Variants in PLCXD3 observed in about 807,000 individuals in gnomAD.
The protein encoded by PLCXD3 is PI-PLC X domain-containing protein 3.
In PLCXD3, 19 loss-of-function variants were observed where a neutral mutation model predicts 25.5. That is an observed-to-expected ratio of 0.75 (90% confidence interval 0.52 to 1.09). The LOEUF (loss-of-function observed/expected upper bound fraction) is 1.09. Among genes scored for constraint, PLCXD3 ranks in the 50% least tolerant of loss-of-function variants. The pLI is 0.00. For missense variants in PLCXD3, 411 were observed against 388.1 expected (o/e 1.06, Z -0.50); for synonymous variants, 174 against 137.6 (o/e 1.26, Z -1.85).
chr5:41,333,898 G>GA (rs532872428), intron 2 of PLCXD3, among the ~76,000 whole-genome samples: 1 of 151,946 alleles, frequency 6.6e-6, no homozygotes, highest in Non-Finnish European at 1.5e-5. Flanking sequence ...GCTGCAAAAG[G>GA]AAAAAAATCC....
intron 1 of PLCXD3, among the ~76,000 whole-genome samples, chr5:41,401,586 T>G (rs1248345100): frequency 6.6e-6 from 1 of 152,084 alleles, no homozygotes; most frequent in Non-Finnish European, 1.5e-5. Context: ...TTAACTATTA[T>G]GATAGGCAGC....
At chr5:41,333,624 A>AT in intron 2 of PLCXD3, among the ~76,000 whole-genome samples, 1 of 152,300 alleles carries the variant, frequency 6.6e-6, no homozygotes, top group Middle Eastern at 3.4e-3. Flanking sequence ...AAAACAGTTC[A>AT]TTTAAAAAAT....
At chr5:41,359,863 G>A (rs1351571523) in intron 2 of PLCXD3, among the ~76,000 whole-genome samples, 17 of 151,966 alleles carry the variant, frequency 1.1e-4, no homozygotes. Flanking sequence ...TGAGCTTCTT[G>A]TATTTGGATT....
chr5:41,499,225 A>C (rs1017794374), intron 1 of PLCXD3, among the ~76,000 whole-genome samples: 2 of 151,764 alleles, frequency 1.3e-5, no homozygotes, highest in African/African-American at 4.8e-5. Context: ...TTATCTCTGT[A>C]GATAACATTT....
At position 41,336,836 on chromosome 5, in the gene PLCXD3, A is replaced by G. The variant is rs979988376; in HGVS notation, c.813-23066T>C. On this transcript the variant is annotated intron_variant, in intron 2 of 2. Transcript: ENST00000377801. ...ATCACAGTCCAATTTCTTCCTCTAC[A>G]TAGTTCTGTTTCCTGTACTCTCCCA... Among the ~76,000 whole-genome samples, 57 of 152,112 alleles carry G rather than the reference A, an allele frequency of 3.7e-4. 2 individuals carry two copies. Among genetic ancestry groups the G allele is most frequent in the Admixed American group, 3.7e-3 (57 of 15,254 alleles).
intron 1 of PLCXD3, among the ~76,000 whole-genome samples, chr5:41,499,240 T>G (rs1276510867): frequency 6.6e-6 from 1 of 151,600 alleles, no homozygotes; most frequent in African/African-American, 2.4e-5. Context: ...ACATTTTATA[T>G]GTAAAAAACT....
intron 2 of PLCXD3, among the ~76,000 whole-genome samples, chr5:41,370,013 C>T (rs1271246048): frequency 4.6e-5 from 7 of 152,112 alleles, no homozygotes; most frequent in Admixed American, 3.3e-4. Context: ...TGCCACATAC[C>T]GCTTCCTCCA....
chr5:41,480,739 G>A lies in PLCXD3; in HGVS notation c.103+29685C>T, dbSNP rs369841910. Among the ~76,000 whole-genome samples the A allele has an allele frequency of 2.0e-3, 305 of 151,978 alleles. 1 individual carries two copies. Among genetic ancestry groups the A allele is most frequent in the African/African-American group, 6.8e-3 (282 of 41,460 alleles). On this transcript the variant is annotated intron_variant, in intron 1 of 2. Transcript: ENST00000377801. Reference sequence around the variant, plus strand: ...ATTTCAAGACCAGCCTGGCCAACACGGTGAAACCCCGTCTCTACTAAAAAT... The same window carrying A: ...ATTTCAAGACCAGCCTGGCCAACACAGTGAAACCCCGTCTCTACTAAAAAT...
At chr5:41,355,831 T>C (rs1479056118) in intron 2 of PLCXD3, among the ~76,000 whole-genome samples, 1 of 152,144 alleles carries the variant, frequency 6.6e-6, no homozygotes, top group East Asian at 1.9e-4. Flanking sequence ...AAGATGATAT[T>C]AGGAGAAGAA....
intron 2 of PLCXD3, among the ~76,000 whole-genome samples, chr5:41,320,876 G>A (rs1743448634): frequency 6.6e-6 from 1 of 152,154 alleles, no homozygotes; most frequent in Admixed American, 6.5e-5. Flanking sequence ...TGCTGAAAAA[G>A]CATTTGATAG....
At chr5:41,323,519 AAAAAG>A (rs1474850921) in intron 2 of PLCXD3, among the ~76,000 whole-genome samples, 13 of 152,204 alleles carry the variant, frequency 8.5e-5, no homozygotes, top group African/African-American at 2.2e-4. Flanking sequence ...AATGAAAAAG[AAAAAG>A]AAAAGAAATA....
chr5:41,382,309 A>G lies in PLCXD3; in HGVS notation c.329T>C (p.Leu110Pro). 1 of 1,613,602 alleles carries G rather than the reference A, an allele frequency of 6.2e-7. No individual in the cohort carries two copies. The highest frequency in any genetic ancestry group is 8.5e-7 in the Non-Finnish European group (1 of 1,179,742). The change falls in exon 2 of 3, where the codon CTC becomes CCC. Residue 110 changes from leucine (L) to proline (P), a missense_variant. Transcript: ENST00000377801. ...ACTGAACAAACCATGAGCAAAATAG[A>G]GTTCATTGTCGGGGTCTCTGGGCTT... ...STKPRDPDNE[L>P]YFAHGLFSAK...
chr5:41,396,385 C>T (rs955481975), intron 1 of PLCXD3, among the ~76,000 whole-genome samples: 1 of 152,166 alleles, frequency 6.6e-6, no homozygotes, highest in African/African-American at 2.4e-5. Flanking sequence ...CTTCACCCTC[C>T]ACAATGATTG....
At chr5:41,484,520 T>C (rs1748477523) in intron 1 of PLCXD3, among the ~76,000 whole-genome samples, 1 of 152,156 alleles carries the variant, frequency 6.6e-6, no homozygotes, top group Admixed American at 6.6e-5. Context: ...CCTATTACAT[T>C]GCTTAAATGG....
intron 1 of PLCXD3, among the ~76,000 whole-genome samples, chr5:41,475,056 C>T (rs1748250500): frequency 6.6e-6 from 1 of 152,172 alleles, no homozygotes; most frequent in African/African-American, 2.4e-5. Context: ...TGTTCACCAC[C>T]CTCCAAAGGT....
At chr5:41,339,779 C>A (rs560742692) in intron 2 of PLCXD3, among the ~76,000 whole-genome samples, 1 of 152,228 alleles carries the variant, frequency 6.6e-6, no homozygotes, top group South Asian at 2.1e-4. Context: ...TATCTTAAAT[C>A]TTCCTTCATA....
At chr5:41,318,865 G>A (rs1485023496) in intron 2 of PLCXD3, among the ~76,000 whole-genome samples, 1 of 152,072 alleles carries the variant, frequency 6.6e-6, no homozygotes, top group Non-Finnish European at 1.5e-5. Flanking sequence ...CACATCACCT[G>A]TAAAGACACA....
intron 1 of PLCXD3, among the ~76,000 whole-genome samples, chr5:41,507,622 G>T (rs1423753531): frequency 6.6e-6 from 1 of 152,150 alleles, no homozygotes; most frequent in Non-Finnish European, 1.5e-5. Context: ...TGTAACTCTG[G>T]GCAATCTGGG....
intron 1 of PLCXD3, among the ~76,000 whole-genome samples, chr5:41,458,167 C>A (rs1348554025): frequency 6.6e-6 from 1 of 151,780 alleles, no homozygotes; most frequent in Non-Finnish European, 1.5e-5. Context: ...TAAAAATGAG[C>A]TAGATGGAAG....
Sources: allele counts gnomAD v4.1 joint callset (sites outside exome capture counted in the v4.1 genomes callset), GRCh38; gene constraint gnomAD v4.1.1; transcripts MANE v1.5; gene names NCBI Gene and HGNC (gene_info 2026-07-23, HGNC 2026-07-21).